The following METTL24 variants were observed in gnomAD, a reference collection of about 807,000 sequenced individuals.
METTL24 encodes methyltransferase like 24.
A neutral mutation model predicts 32.7 loss-of-function variants in METTL24; 29 were observed. The observed-to-expected ratio is 0.89, with a 90% CI of 0.66 to 1.21. The LOEUF (loss-of-function observed/expected upper bound fraction) is 1.21, where lower values mean the gene tolerates loss of function less well. Among genes scored for constraint, METTL24 ranks in the 50% most tolerant of loss-of-function variants. The pLI is 0.00. For synonymous variants in METTL24, 163 were observed against 179.5 expected (o/e 0.91, Z 0.73); for missense variants, 439 against 468.1 (o/e 0.94, Z 0.57).
intron 3 of METTL24, among the ~76,000 whole-genome samples, chr6:110,314,798 CCAAAAATA>C (rs1027028595): frequency 2.6e-5 from 4 of 151,864 alleles, no homozygotes; most frequent in Non-Finnish European, 5.9e-5. Context: ...CCTGTCTCTA[CCAAAAATA>C]CAAAAAATTA....
intron 1 of METTL24, among the ~76,000 whole-genome samples, chr6:110,352,353 G>A (rs867790888): frequency 1.3e-5 from 2 of 152,274 alleles, no homozygotes; most frequent in Middle Eastern, 6.8e-3. Context: ...ATGGTGAGCT[G>A]GACCTCACTG....
chr6:110,331,863 C>T (rs746338936), intron 1 of METTL24, among the ~76,000 whole-genome samples: 1 of 152,174 alleles, frequency 6.6e-6, no homozygotes, highest in Admixed American at 6.5e-5. Context: ...AATCTTGTGA[C>T]AGACCCAGTA....
At chr6:110,284,621 G>T (rs1210733506) in intron 4 of METTL24, among the ~76,000 whole-genome samples, 8 of 151,714 alleles carry the variant, frequency 5.3e-5, no homozygotes, top group African/African-American at 1.5e-4. Flanking sequence ...AGAAGTGAAG[G>T]TTTCTTATTA....
In METTL24 at chr6:110,245,644, A is replaced by T. The variant is rs1413744846; in HGVS notation, c.*302T>A. 6.6e-6 allele frequency among the ~76,000 whole-genome samples: 1 copy of T among 152,208 alleles called. No homozygotes were observed. Among genetic ancestry groups the T allele is most frequent in the Non-Finnish European group, 1.5e-5 (1 of 68,042 alleles). ...TATAATTTCATTTCAATGTTGGTGA[A>T]TTCATAGATTATAGATACATAGAGA... On this transcript the variant is annotated 3_prime_UTR_variant, in exon 5 of 5. Coordinates refer to ENST00000338882, the MANE Select transcript of METTL24 (RefSeq NM_001123364.3).
intron 4 of METTL24, among the ~76,000 whole-genome samples, chr6:110,259,373 C>T (rs1434327928): frequency 1.3e-5 from 2 of 152,176 alleles, no homozygotes; most frequent in Non-Finnish European, 2.9e-5. Context: ...TCATTGCTTG[C>T]ACAGCAGTCT....
intron 4 of METTL24, among the ~76,000 whole-genome samples, chr6:110,274,805 T>C (rs1771019293): frequency 7.0e-6 from 1 of 142,942 alleles, no homozygotes; most frequent in East Asian, 2.0e-4. Flanking sequence ...GTTCTTTCTT[T>C]TTTTTTTTTT....
rs1771403129 is a variant in METTL24 at position 110,295,794 on chromosome 6, A to AAGGAAGG, written c.786+3127_786+3128insCCTTCCT. The stretch of plus-strand genomic sequence containing the variant: ...TCCCCGGGAAAGAAAAGAAAGAAAG[A>AAGGAAGG]AAGGAAGGAAGGAAGGAAGGAAGGA... On this transcript the variant is annotated intron_variant, in intron 4 of 4. Coordinates refer to ENST00000338882, the MANE Select transcript of METTL24 (RefSeq NM_001123364.3). Among the ~76,000 whole-genome samples, 351 of 136,318 alleles carry AAGGAAGG rather than the reference A, an allele frequency of 2.6e-3. 1 individual carries two copies. The highest frequency in any genetic ancestry group is 7.9e-3 in the African/African-American group (263 of 33,278). 89.4% of individuals were successfully genotyped at this position (136,318 alleles called of 152,430 possible). A position where few individuals can be genotyped will look rare whatever the true frequency, so the allele number is the denominator to read the frequency against.
chr6:110,301,550 C>T (rs1771517419), intron 3 of METTL24, among the ~76,000 whole-genome samples: 2 of 152,154 alleles, frequency 1.3e-5, no homozygotes, highest in Admixed American at 1.3e-4. Context: ...AGAATTTGCA[C>T]TCCAGCCAGT....
chr6:110,308,131 TG>T (rs1771657070), intron 3 of METTL24, among the ~76,000 whole-genome samples: 1 of 152,314 alleles, frequency 6.6e-6, no homozygotes, highest in South Asian at 2.1e-4. Context: ...TGAACAACTC[TG>T]GGAGATGTCA....
chr6:110,266,143 G>A (rs189994886), intron 4 of METTL24, among the ~76,000 whole-genome samples: 29 of 151,834 alleles, frequency 1.9e-4, no homozygotes, highest in Middle Eastern at 3.4e-3. Flanking sequence ...GGCATCAAGC[G>A]ATCCTCCCAC....
chr6:110,292,574 C>T (rs140722349), intron 4 of METTL24, among the ~76,000 whole-genome samples: 140 of 151,980 alleles, frequency 9.2e-4, no homozygotes, highest in African/African-American at 3.2e-3. Flanking sequence ...TAACTCTCTA[C>T]TTATAAAATG....
chr6:110,294,924 A>C (rs575451255), intron 4 of METTL24, among the ~76,000 whole-genome samples: 20 of 152,064 alleles, frequency 1.3e-4, no homozygotes, highest in African/African-American at 4.8e-4. Flanking sequence ...ACAGGGCAGT[A>C]TCAATCTCTT....
intron 2 of METTL24, among the ~76,000 whole-genome samples, chr6:110,318,288 T>C (rs968719843): frequency 6.6e-6 from 1 of 152,234 alleles, no homozygotes; most frequent in Non-Finnish European, 1.5e-5. Flanking sequence ...TATATCTCTA[T>C]TGAAGAGACA....
intron 4 of METTL24, chr6:110,253,896 G>C: frequency 6.8e-7 from 1 of 1,462,268 alleles, no homozygotes; most frequent in Non-Finnish European, 9.1e-7. Context: ...GTCCCTCAGA[G>C]CTTTCAGAAT....
intron 1 of METTL24, among the ~76,000 whole-genome samples, chr6:110,350,158 C>T (rs903696064): frequency 1.3e-5 from 2 of 152,180 alleles, no homozygotes; most frequent in Non-Finnish European, 2.9e-5. Flanking sequence ...CTTAGAAAGG[C>T]AGAGAATTCC....
intron 1 of METTL24, among the ~76,000 whole-genome samples, chr6:110,340,597 T>C (rs1772336573): frequency 6.6e-6 from 1 of 152,234 alleles, no homozygotes; most frequent in Non-Finnish European, 1.5e-5. Flanking sequence ...ATGAATATGC[T>C]GAAATCAACT....
At chr6:110,296,124 G>A (rs1771414206) in intron 4 of METTL24, among the ~76,000 whole-genome samples, 1 of 152,132 alleles carries the variant, frequency 6.6e-6, no homozygotes, top group Non-Finnish European at 1.5e-5. Context: ...GAAACCCTCA[G>A]GCAGCTCTGT....
At chr6:110,330,079 C>T (rs552613233) in intron 1 of METTL24, among the ~76,000 whole-genome samples, 1 of 152,360 alleles carries the variant, frequency 6.6e-6, no homozygotes, top group South Asian at 2.1e-4. Flanking sequence ...CCAGGAAGCA[C>T]CAGGAGCAGC....
chr6:110,319,268 GTA>G (rs962405777), intron 2 of METTL24, among the ~76,000 whole-genome samples: 90 of 130,966 alleles, frequency 6.9e-4, no homozygotes, highest in African/African-American at 2.1e-3. Context: ...CCCTGTGTGT[GTA>G]TGTGTGTGTG....
Sources: allele counts gnomAD v4.1 joint callset (sites outside exome capture counted in the v4.1 genomes callset), GRCh38; gene constraint gnomAD v4.1.1; transcripts MANE v1.5; gene names NCBI Gene and HGNC (gene_info 2026-07-23, HGNC 2026-07-21).